Variants in PDE4D observed in about 807,000 individuals in gnomAD.
PDE4D encodes the protein phosphodiesterase 4D, also known as 3',5'-cyclic-AMP phosphodiesterase 4D.
In PDE4D, 24 loss-of-function variants were observed where a neutral mutation model predicts 87.4. That is an observed-to-expected ratio of 0.27 (90% CI 0.20 to 0.39). The LOEUF is 0.39. PDE4D is among the 10% of genes least tolerant of loss of function. PDE4D has a pLI of 1.00. For synonymous variants in PDE4D, 384 were observed against 383.2 expected (o/e 1.00, Z -0.02); for missense variants, 714 against 1,041.0 (o/e 0.69, Z 4.32).
At chr5:60,429,847 T>TG in intron 1 of PDE4D, 2 of 336,376 alleles carry the variant, frequency 5.9e-6, no homozygotes, top group Non-Finnish European at 1.2e-5. Flanking sequence ...TTTTTTTTTT[T>TG]GTTTTTTTTT....
At chr5:60,296,082 G>C (rs768431590) in intron 1 of PDE4D, among the ~76,000 whole-genome samples, 4 of 152,114 alleles carry the variant, frequency 2.6e-5, no homozygotes, top group Non-Finnish European at 5.9e-5. Flanking sequence ...TCCTATTCAT[G>C]AGGATCACCT....
At chr5:59,948,214 A>G (rs1401865609) in intron 3 of PDE4D, among the ~76,000 whole-genome samples, 1 of 152,196 alleles carries the variant, frequency 6.6e-6, no homozygotes, top group African/African-American at 2.4e-5. Flanking sequence ...GAGTTATTCT[A>G]CCAGGTTTTC....
intron 5 of PDE4D, among the ~76,000 whole-genome samples, chr5:59,121,179 C>T (rs1477883018): frequency 3.3e-5 from 5 of 152,106 alleles, no homozygotes; most frequent in Admixed American, 1.3e-4. Context: ...ACAGGCCACA[C>T]GACCAAAAAT....
chr5:59,787,171 T>C (rs533495867), intron 1 of PDE4D, among the ~76,000 whole-genome samples: 45 of 152,352 alleles, frequency 3.0e-4, no homozygotes, highest in Admixed American at 7.2e-4. Context: ...CCTTGATTTC[T>C]TCCTCTATTT....
At chr5:59,913,358 G>A (rs1027014163) in intron 3 of PDE4D, among the ~76,000 whole-genome samples, 2 of 152,292 alleles carry the variant, frequency 1.3e-5, no homozygotes, top group African/African-American at 4.8e-5. Context: ...GGTTGTAGGT[G>A]TGGCAGTTGT....
intron 1 of PDE4D, among the ~76,000 whole-genome samples, chr5:60,301,491 C>T (rs760984772): frequency 1.6e-4 from 24 of 152,164 alleles, no homozygotes; most frequent in Non-Finnish European, 2.6e-4. Context: ...GGAGTTCATT[C>T]ATGATTTGGC....
At chr5:59,123,324 CTTTA>C (rs939356449) in intron 5 of PDE4D, among the ~76,000 whole-genome samples, 5 of 152,154 alleles carry the variant, frequency 3.3e-5, no homozygotes, top group African/African-American at 1.2e-4. Context: ...GCATCTTCTT[CTTTA>C]TTTAATTTTC....
intron 1 of PDE4D, among the ~76,000 whole-genome samples, chr5:60,211,731 T>C (rs1036497459): frequency 5.3e-5 from 8 of 152,068 alleles, no homozygotes; most frequent in African/African-American, 1.4e-4. Context: ...AGATGTTACT[T>C]GTGAAACTGT....
chr5:59,783,078 T>C (rs1194845066), intron 1 of PDE4D, among the ~76,000 whole-genome samples: 6 of 152,208 alleles, frequency 3.9e-5, no homozygotes, highest in Admixed American at 3.3e-4. Context: ...CAGGAGATTC[T>C]AGAAACAATG....
At chr5:60,197,656 G>A (rs1256872160) in intron 1 of PDE4D, among the ~76,000 whole-genome samples, 1 of 151,520 alleles carries the variant, frequency 6.6e-6, no homozygotes, top group Non-Finnish European at 1.5e-5. Flanking sequence ...GTACCCTCAA[G>A]CTATCATTTC....
At chr5:60,386,149 C>A (rs903808440) in intron 1 of PDE4D, among the ~76,000 whole-genome samples, 1 of 151,974 alleles carries the variant, frequency 6.6e-6, no homozygotes, top group African/African-American at 2.4e-5. Flanking sequence ...CAAACAACAG[C>A]CAGACCAAGG....
At chr5:60,228,946 G>A (rs549243255) in intron 1 of PDE4D, among the ~76,000 whole-genome samples, 1 of 152,152 alleles carries the variant, frequency 6.6e-6, no homozygotes, top group South Asian at 2.1e-4. Flanking sequence ...CAAATAGTGA[G>A]AATGGCTATG....
intron 1 of PDE4D, among the ~76,000 whole-genome samples, chr5:59,667,929 C>T (rs1036239229): frequency 3.9e-5 from 6 of 152,208 alleles, no homozygotes; most frequent in African/African-American, 1.4e-4. Flanking sequence ...GCATTTTCTC[C>T]AAGTTGTACC....
intron 2 of PDE4D, among the ~76,000 whole-genome samples, chr5:60,156,399 G>C (rs755476601): frequency 3.3e-5 from 5 of 152,122 alleles, no homozygotes; most frequent in African/African-American, 4.8e-5. Flanking sequence ...GCTTCCCCTA[G>C]AGTGAGCTTT....
chr5:59,562,762 A>G (rs1162828883), intron 1 of PDE4D, among the ~76,000 whole-genome samples: 1 of 152,210 alleles, frequency 6.6e-6, no homozygotes, highest in African/African-American at 2.4e-5. Flanking sequence ...CCTTAACAGG[A>G]AACTGATAAC....
At chr5:59,308,267 C>T (rs569779208) in intron 1 of PDE4D, among the ~76,000 whole-genome samples, 4 of 151,076 alleles carry the variant, frequency 2.6e-5, no homozygotes, top group African/African-American at 4.9e-5. Context: ...TGCTAAATGA[C>T]GAGTTAATGG....
intron 1 of PDE4D, among the ~76,000 whole-genome samples, chr5:60,484,234 T>C (rs1397390495): frequency 1.3e-5 from 2 of 151,484 alleles, no homozygotes; most frequent in Non-Finnish European, 2.9e-5. Context: ...CTAAATTTCC[T>C]AACCCACTTT....
chr5:59,749,055 GC>G (rs778672367), intron 1 of PDE4D, among the ~76,000 whole-genome samples: 1 of 152,186 alleles, frequency 6.6e-6, no homozygotes, highest in Non-Finnish European at 1.5e-5. Context: ...GAAACTGTAT[GC>G]AATAATAAAT....
intron 3 of PDE4D, among the ~76,000 whole-genome samples, chr5:59,943,354 C>T (rs2059698059): frequency 1.3e-5 from 2 of 151,970 alleles, no homozygotes; most frequent in Non-Finnish European, 2.9e-5. Flanking sequence ...TGCTGTACTC[C>T]CAACACAATG....
Sources: allele counts gnomAD v4.1 joint callset (sites outside exome capture counted in the v4.1 genomes callset), GRCh38; gene constraint gnomAD v4.1.1; transcripts MANE v1.5; gene names NCBI Gene and HGNC (gene_info 2026-07-23, HGNC 2026-07-21).